The following WEE1 variants were observed in gnomAD, a reference collection of about 807,000 sequenced individuals.
WEE1 encodes the protein wee1-like protein kinase.
In WEE1, 16 loss-of-function variants were observed where a neutral mutation model predicts 68.8. That is an observed-to-expected ratio of 0.23 (90% CI 0.16 to 0.35). The LOEUF (loss-of-function observed/expected upper bound fraction) is 0.35. Among genes scored for constraint, WEE1 ranks in the 10% least tolerant of loss-of-function variants. The pLI is 1.00. For synonymous variants in WEE1, 349 were observed against 318.7 expected, an observed-to-expected ratio of 1.09 and a Z score of -1.01; for missense variants, 651 against 824.1, an observed-to-expected ratio of 0.79 and a Z score of 2.57.
At chr11:9,575,830 G>C in intron 1 of WEE1, 58 bp from the exon 2 acceptor site, 1 of 1,516,092 alleles carries the variant, frequency 6.6e-7, no homozygotes, top group South Asian at 1.1e-5. Flanking sequence ...GTTAGGTTGA[G>C]AAGGCTGACT....
chr11:9,585,062 C>G (rs570191178), intron 6 of WEE1, 196 bp from the exon 7 acceptor site: 48 of 532,424 alleles, frequency 9.0e-5, no homozygotes, highest in African/African-American at 9.0e-4. Flanking sequence ...CACACTGTCT[C>G]AAAAAAAAAC....
At chr11:9,581,095 G>C (rs151311012) in intron 5 of WEE1, 1 of 157,436 alleles carries the variant, frequency 6.4e-6, no homozygotes, top group Admixed American at 6.5e-5. Flanking sequence ...GTTGCCTAAA[G>C]AGGGGTAAAC....
intron 5 of WEE1, chr11:9,578,663 G>A (rs1849589613): frequency 2.0e-5 from 3 of 152,012 alleles, no homozygotes; most frequent in African/African-American, 4.8e-5. Context: ...CCTTCTTGAT[G>A]TGAATAATTC....
At position 9,574,433 on chromosome 11, in the gene WEE1, G is replaced by A; in HGVS notation, c.500G>A (p.Arg167Gln). Residue 167 changes from arginine to glutamine, a missense_variant, in exon 1 of 11, where the codon CGG becomes CAG. By Grantham distance (43) the Arg-to-Gln change is conservative. Around this residue, in one of 5 missense-constraint regions of WEE1, gnomAD observed 395 missense variants for 378.4 expected, o/e 1.04. Coordinates refer to ENST00000450114, the MANE Select transcript of WEE1 (RefSeq NM_003390.4). The surrounding 1 kb of genome is among the most constrained non-coding windows in gnomAD (Gnocchi z 4.9). ...GCGGGCGAAGGCCGCCGCTCGCCGC[G>A]GCCGGACCACCCGGGCACCCCGCCA... The part of the protein sequence containing the change: ...RRAGEGRRSP[R>Q]PDHPGTPPHK... 1 of 1,219,438 alleles carries A rather than the reference G, an allele frequency of 8.2e-7. No individual in the cohort carries two copies. Among genetic ancestry groups the A allele is most frequent in the Non-Finnish European group, 1.0e-6 (1 of 985,408 alleles). 75.5% of individuals were successfully genotyped at this position (1,219,438 alleles called of 1,614,324 possible). A position where few individuals can be genotyped will look rare whatever the true frequency, so the allele number is the denominator to read the frequency against.
intron 5 of WEE1, chr11:9,577,772 G>A (rs1305404707): frequency 1.2e-5 from 5 of 430,300 alleles, no homozygotes; most frequent in African/African-American, 2.1e-5. Context: ...ATCCACTAAC[G>A]CTTTATTATG....
chr11:9,575,940 G>T lies in WEE1; in HGVS notation c.629G>T (p.Gly210Val). ...GATTCCAGCTCTGTTAAACTCCGGG[G>T]TAGTTCTCTCTTCATGGATACAGAA... Reference protein sequence around the residue: ...GIDSSSVKLRGSSLFMDTEKS... With the variant: ...GIDSSSVKLRVSSLFMDTEKS... Residue 210 changes from glycine to valine, a missense_variant, in exon 2 of 11, where the codon GGT (glycine) becomes GTT (valine). By Grantham distance (109) the Gly-to-Val change is moderately radical (BLOSUM62 -3). Coordinates refer to ENST00000450114, the MANE Select transcript of WEE1 (RefSeq NM_003390.4). 1 of 1,614,144 alleles carries T rather than the reference G, an allele frequency of 6.2e-7. No individual in the cohort carries two copies. Among genetic ancestry groups the T allele is most frequent in the South Asian group, 1.1e-5 (1 of 91,086 alleles).
In WEE1 at chr11:9,586,484, G is replaced by A. The variant is rs1426416554; in HGVS notation, c.1506G>A (p.Ala502=). Residue 502 remains alanine (A), a synonymous_variant, in exon 9 of 11, where the codon GCG becomes GCA. Coordinates refer to ENST00000450114, the MANE Select transcript of WEE1 (RefSeq NM_003390.4). ...ATCTACCAAAAGCAGATATTTTTGC[G>A]CTTGCCCTCACAGTGGTATGTGCTG... ...YTHLPKADIF[A]LALTVVCAAG... is the part of the protein sequence containing the mutation. 8.7e-6 allele frequency: 14 copies of A among 1,613,028 alleles called. No individual in the cohort carries two copies. The highest frequency in any genetic ancestry group is 1.6e-4 in the Middle Eastern group (1 of 6,080).
intron 6 of WEE1, among the ~76,000 whole-genome samples, chr11:9,583,506 T>G (rs1849651804): frequency 6.7e-6 from 1 of 148,208 alleles, no homozygotes; most frequent in Non-Finnish European, 1.5e-5. Flanking sequence ...TCCCAGCTAC[T>G]CTGGAGGCTG....
In WEE1 at chr11:9,576,527, C is replaced by A. The variant is rs537127750; in HGVS notation, c.887C>A (p.Thr296Lys). The A allele has an allele frequency of 2.2e-4, 358 of 1,613,750 alleles. 10 individuals carry two copies. The South Asian group carries it at 3.6e-3, about 16-fold the overall frequency. The change falls in exon 4 of 11, where the codon ACA becomes AAA. Residue 296 changes from threonine (T) to lysine (K), a missense_variant. Coordinates refer to ENST00000450114, the MANE Select transcript of WEE1 (RefSeq NM_003390.4). This position sits in a 1 kb window ranked among gnomAD's most constrained non-coding sequence, Gnocchi z 4.3. ...ITESNMKSRYTTEFHELEKIG... is the reference protein window; with the variant it reads ...ITESNMKSRYKTEFHELEKIG... ...GAAAGCAATATGAAGTCCCGGTATACAACAGAATTTCATGAGCTAGAGAAA... is the reference window on the plus strand; with the variant it reads ...GAAAGCAATATGAAGTCCCGGTATAAAACAGAATTTCATGAGCTAGAGAAA...
At position 9,573,816 on chromosome 11, in the gene WEE1, G is replaced by C; in HGVS notation, c.-118G>C. 1.1e-6 allele frequency: 1 copy of C among 873,882 alleles called. No individual in the cohort carries two copies. Among genetic ancestry groups the C allele is most frequent in the Non-Finnish European group, 1.5e-6 (1 of 684,278 alleles). The allele number at this position is 873,882 out of a possible 1,614,324, so 54.1% of individuals were successfully genotyped here. A position where few individuals can be genotyped will look rare whatever the true frequency, so the allele number is the denominator to read the frequency against. On this transcript the variant is annotated 5_prime_UTR_variant, in exon 1 of 11. Coordinates refer to ENST00000450114, the MANE Select transcript of WEE1 (RefSeq NM_003390.4). ...CCGCAGGCCGCCGCCGCGCAGAGAC[G>C]CCGCGGCTGCGACTAGGCGCGCCCA...
chr11:9,576,227 T>C lies in WEE1; in HGVS notation c.783-3T>C. On this transcript the variant is annotated splice_polypyrimidine_tract_variant and splice_region_variant and intron_variant, in intron 2 of 10. Transcript: ENST00000450114. This position sits in a 1 kb window ranked among gnomAD's most constrained non-coding sequence, Gnocchi z 4.3. ...ATTGATAGAAAAATAACATTTTTTT[T>C]AGTTCCTGTGGTGAAGACATGGAAG... 1.3e-6 allele frequency: 2 copies of C among 1,534,822 alleles called. No individual in the cohort carries two copies. Among genetic ancestry groups the C allele is most frequent in the South Asian group, 2.4e-5 (2 of 84,300 alleles).
Position 9,589,202 on chromosome 11 carries a change from T to C in WEE1, c.*600T>C. On this transcript the variant is annotated 3_prime_UTR_variant, in exon 11 of 11. Transcript: ENST00000450114. ...ACTTGTAGCATTAAACAATCATTGT[T>C]GTTAATAGGTCTTCTTTTTGAAACA... The C allele has an allele frequency of 1.0e-6, 1 of 985,804 alleles. No individual in the cohort carries two copies. The highest frequency in any genetic ancestry group is 1.2e-6 in the Non-Finnish European group (1 of 829,880). 61.1% of individuals were successfully genotyped at this position (985,804 alleles called of 1,614,324 possible).
At position 9,586,779 on chromosome 11, in the gene WEE1, G is replaced by C. The variant is rs763530853; in HGVS notation, c.1710G>C (p.Leu570=). ...AMALVKHSVL[L]SASRKSAEQL... is the part of the protein sequence containing the mutation. Reference sequence around the variant, plus strand: ...CACTGGTAAAGCATTCAGTATTGCTGTCCGCTTCTAGAAAGAGTGCAGAAC... The same window carrying C: ...CACTGGTAAAGCATTCAGTATTGCTCTCCGCTTCTAGAAAGAGTGCAGAAC... Residue 570 remains leucine, a synonymous_variant, in exon 10 of 11, where the codon CTG becomes CTC. Coordinates refer to ENST00000450114, the MANE Select transcript of WEE1 (RefSeq NM_003390.4). 19 of 1,613,964 alleles carry C rather than the reference G, an allele frequency of 1.2e-5. No homozygotes were observed. The highest frequency in any genetic ancestry group is 1.1e-4 in the African/African-American group (8 of 74,922).
chr11:9,575,573 C>T, intron 1 of WEE1: 1 of 342,538 alleles, frequency 2.9e-6, no homozygotes, highest in Non-Finnish European at 5.0e-6. Context: ...GGACTGCTTT[C>T]TATTTTTGGA....
At chr11:9,575,787 T>A (rs1392961434) in intron 1 of WEE1, 101 bp from the exon 2 acceptor site, 1 of 957,084 alleles carries the variant, frequency 1.0e-6, no homozygotes, top group Non-Finnish European at 1.6e-6. Context: ...TGCTTTCACC[T>A]ACGCATTCAG....
intron 9 of WEE1, 25 bp downstream of exon 9, chr11:9,586,644 T>G (rs1241233147): frequency 2.5e-6 from 4 of 1,613,328 alleles, no homozygotes; most frequent in Non-Finnish European, 3.4e-6. Flanking sequence ...TATGAAGCCC[T>G]TTATTGACAT....
rs553798266 is a variant in WEE1 at position 9,584,128 on chromosome 11, G to T, written c.1289-1130G>T. ...CCCAAAGTGCTGGGATTACAGGTGT[G>T]AGCCACCACTCCCGGCCTTATTTTT... is the stretch of plus-strand genomic sequence containing the variant. On this transcript the variant is annotated intron_variant, in intron 6 of 10. Transcript: ENST00000450114. Among the ~76,000 whole-genome samples the T allele has an allele frequency of 5.9e-5, 9 of 151,440 alleles. No individual in the cohort carries two copies. The East Asian group carries it at 1.8e-3, about 30-fold the overall frequency.
Position 9,574,233 on chromosome 11 carries a change from G to T in WEE1, c.300G>T (p.Pro100=), listed in dbSNP as rs1356320564. ...ACCTGTTGCTGCCCGGCGCCTGCCC[G>T]GGCGCGGACGAGGCGGGCGGTGGGG... is the stretch of plus-strand genomic sequence containing the variant. ...EEDLLLPGAC[P]GADEAGGGAE... Residue 100 remains proline, a synonymous_variant, in exon 1 of 11, where the codon CCG becomes CCT. Transcript: ENST00000450114. The surrounding 1 kb of genome is among the most constrained non-coding windows in gnomAD (Gnocchi z 4.9). The T allele has an allele frequency of 1.7e-6, 2 of 1,189,852 alleles. No individual in the cohort carries two copies. The highest frequency in any genetic ancestry group is 2.1e-6 in the Non-Finnish European group (2 of 959,892). The allele number at this position is 1,189,852 out of a possible 1,614,324, so 73.7% of individuals were successfully genotyped here. A position where few individuals can be genotyped will look rare whatever the true frequency, so the allele number is the denominator to read the frequency against.
chr11:9,574,476 G>A lies in WEE1; in HGVS notation c.543G>A (p.Lys181=). 1 of 1,260,316 alleles carries A rather than the reference G, an allele frequency of 7.9e-7. No individual in the cohort carries two copies. The highest frequency in any genetic ancestry group is 1.0e-6 in the Non-Finnish European group (1 of 1,003,520). 78.1% of individuals were successfully genotyped at this position (1,260,316 alleles called of 1,614,324 possible). Residue 181 remains lysine (K), a synonymous_variant, in exon 1 of 11, where the codon AAG becomes AAA. Coordinates refer to ENST00000450114, the MANE Select transcript of WEE1 (RefSeq NM_003390.4). This position sits in a 1 kb window ranked among gnomAD's most constrained non-coding sequence, Gnocchi z 4.9. ...CCCCGCCACACAAGACCTTCCGCAA[G>A]CTGCGACTCTTCGACACCCCGCACA... The part of the protein sequence containing the change: ...PGTPPHKTFR[K]LRLFDTPHTP...
Sources: allele counts gnomAD v4.1 joint callset (sites outside exome capture counted in the v4.1 genomes callset), GRCh38; gene constraint gnomAD v4.1.1; regional missense constraint gnomAD v4.1.1; non-coding constraint Gnocchi (gnomAD v3.1); transcripts MANE v1.5; gene names NCBI Gene and HGNC (gene_info 2026-07-23, HGNC 2026-07-21).